The following GALNTL6 variants were observed in gnomAD, a reference collection of about 807,000 sequenced individuals.
GALNTL6 encodes the protein polypeptide N-acetylgalactosaminyltransferase like 6.
Under a neutral mutation model 73.7 loss-of-function variants are expected in GALNTL6, and 46 were observed. The ratio of observed to expected loss-of-function variants is 0.62; its 90% CI spans 0.49 to 0.80. GALNTL6 has a LOEUF of 0.80. Among genes scored for constraint, GALNTL6 ranks in the 30% least tolerant of loss-of-function variants. The pLI is 0.00. For missense variants in GALNTL6, 604 were observed against 755.0 expected, an observed-to-expected ratio of 0.80 and a Z score of 2.34; for synonymous variants, 259 against 263.7, an observed-to-expected ratio of 0.98 and a Z score of 0.17.
At position 172,658,011 on chromosome 4, in the gene GALNTL6, G is replaced by A. The variant is rs1372078645; in HGVS notation, c.554-151350G>A. 2.7e-5 allele frequency among the ~76,000 whole-genome samples: 4 copies of A among 147,254 alleles called. No individual in the cohort carries two copies. The South Asian group carries it at 6.7e-4, about 25-fold the overall frequency. ...TAAAAATACAAAAAATTAGCCGGGC[G>A]TAGTGGCGGGCGCCTGTAGTCCCAG... On this transcript the variant is annotated intron_variant, in intron 5 of 12. Transcript: ENST00000506823.
At chr4:172,545,837 G>A (rs893768440) in intron 5 of GALNTL6, 4 of 152,090 alleles carry the variant, frequency 2.6e-5, no homozygotes, top group African/African-American at 9.7e-5. Flanking sequence ...GATGCCTGTG[G>A]CCTATATATT....
At chr4:172,490,532 A>T (rs1292614359) in intron 5 of GALNTL6, among the ~76,000 whole-genome samples, 1 of 152,160 alleles carries the variant, frequency 6.6e-6, no homozygotes, top group Non-Finnish European at 1.5e-5. Context: ...CTTAATGAAT[A>T]CACAGTTATT....
intron 5 of GALNTL6, among the ~76,000 whole-genome samples, chr4:172,775,097 G>A (rs1739000381): frequency 6.6e-6 from 1 of 151,858 alleles, no homozygotes; most frequent in South Asian, 2.1e-4. Context: ...ATAAAATAAG[G>A]AAACCTGTTT....
intron 5 of GALNTL6, among the ~76,000 whole-genome samples, chr4:172,446,317 T>C (rs906447532): frequency 3.3e-5 from 5 of 152,134 alleles, no homozygotes; most frequent in Non-Finnish European, 5.9e-5. Flanking sequence ...AGATTCTAAA[T>C]AGAAATCTGT....
intron 5 of GALNTL6, among the ~76,000 whole-genome samples, chr4:172,681,208 T>A (rs1176230090): frequency 6.6e-6 from 1 of 152,196 alleles, no homozygotes; most frequent in African/African-American, 2.4e-5. Context: ...GGTTTGTTCC[T>A]TTTTCTGCAT....
chr4:172,965,546 G>T (rs1251119694), intron 10 of GALNTL6, among the ~76,000 whole-genome samples: 1 of 151,708 alleles, frequency 6.6e-6, no homozygotes, highest in African/African-American at 2.4e-5. Flanking sequence ...TTGCGCCACT[G>T]CATCCAGCCT....
intron 2 of GALNTL6, among the ~76,000 whole-genome samples, chr4:171,819,425 TCCCCTCTA>T (rs1177249958): frequency 6.6e-6 from 1 of 152,314 alleles, no homozygotes; most frequent in Admixed American, 6.5e-5. Flanking sequence ...AAATAATTTT[TCCCCTCTA>T]TTCATTTCTG....
chr4:172,659,889 A>C (rs2111175961), intron 5 of GALNTL6, among the ~76,000 whole-genome samples: 1 of 152,282 alleles, frequency 6.6e-6, no homozygotes, highest in East Asian at 1.9e-4. Flanking sequence ...CCCTTCCTGA[A>C]GATCAACCCC....
chr4:171,841,176 T>G (rs991461351), intron 2 of GALNTL6, among the ~76,000 whole-genome samples: 10 of 152,206 alleles, frequency 6.6e-5, no homozygotes, highest in Admixed American at 2.6e-4. Context: ...CAAATACTTA[T>G]TTCAATAGGC....
At chr4:171,990,074 C>G (rs1283367125) in intron 2 of GALNTL6, among the ~76,000 whole-genome samples, 3 of 152,032 alleles carry the variant, frequency 2.0e-5, no homozygotes, top group Non-Finnish European at 2.9e-5. Context: ...GGAGTGGAGG[C>G]TAAGGAAGAA....
chr4:172,617,479 T>G (rs1035080215), intron 5 of GALNTL6, among the ~76,000 whole-genome samples: 1 of 151,842 alleles, frequency 6.6e-6, no homozygotes. Context: ...GTGTTTTTAT[T>G]TTATTTTATT....
At chr4:172,195,269 G>T (rs1375054996) in intron 2 of GALNTL6, among the ~76,000 whole-genome samples, 1 of 151,958 alleles carries the variant, frequency 6.6e-6, no homozygotes, top group Non-Finnish European at 1.5e-5. Flanking sequence ...CCCAATACAG[G>T]AGCACCCAGA....
intron 3 of GALNTL6, among the ~76,000 whole-genome samples, chr4:172,299,729 C>G (rs1356253947): frequency 2.0e-5 from 3 of 152,108 alleles, no homozygotes; most frequent in Non-Finnish European, 4.4e-5. Context: ...TGTGGTCTGA[C>G]AGACAGTTTG....
chr4:172,285,792 C>G (rs147004936), intron 3 of GALNTL6, among the ~76,000 whole-genome samples: 7 of 152,294 alleles, frequency 4.6e-5, no homozygotes, highest in African/African-American at 1.4e-4. Flanking sequence ...TAGACACTCT[C>G]TCCTCTCTCC....
chr4:172,850,220 A>G (rs1743742478), intron 7 of GALNTL6, among the ~76,000 whole-genome samples: 1 of 152,174 alleles, frequency 6.6e-6, no homozygotes. Context: ...AGGACAAGGT[A>G]TATTTAAGAT....
At chr4:172,784,052 T>C (rs1028565156) in intron 5 of GALNTL6, among the ~76,000 whole-genome samples, 1 of 152,112 alleles carries the variant, frequency 6.6e-6, no homozygotes, top group Non-Finnish European at 1.5e-5. Context: ...AATATTTTAG[T>C]ATTTTCTTTT....
At chr4:172,225,236 A>G (rs1173903454) in intron 2 of GALNTL6, among the ~76,000 whole-genome samples, 2 of 152,046 alleles carry the variant, frequency 1.3e-5, no homozygotes, top group African/African-American at 4.8e-5. Context: ...AAAGGTCAGA[A>G]TACTTATGCA....
At chr4:172,033,253 A>G (rs1462971553) in intron 2 of GALNTL6, among the ~76,000 whole-genome samples, 1 of 152,072 alleles carries the variant, frequency 6.6e-6, no homozygotes, top group Non-Finnish European at 1.5e-5. Context: ...CATTCACTAT[A>G]TGTAACCTAT....
intron 2 of GALNTL6, among the ~76,000 whole-genome samples, chr4:172,140,932 T>C (rs1458432343): frequency 6.6e-6 from 1 of 152,020 alleles, no homozygotes; most frequent in African/African-American, 2.4e-5. Context: ...ACCAAAAATA[T>C]AAAAGAAACC....
Sources: gnomAD v4.1 joint callset for allele counts (sites outside exome capture counted in the v4.1 genomes callset) on GRCh38, gnomAD v4.1.1 for gene constraint, MANE v1.5 for transcripts, NCBI Gene and HGNC (gene_info 2026-07-23, HGNC 2026-07-21) for gene names.